The following WDR33 variants were observed in gnomAD, a reference collection of about 807,000 sequenced individuals.
WDR33 encodes pre-mRNA 3' end processing protein WDR33.
WDR33 carries 47 observed loss-of-function variants against 164.9 expected under a neutral mutation model. That is an observed-to-expected ratio of 0.29 (90% CI 0.23 to 0.36). The LOEUF is 0.36. Ranked by LOEUF, WDR33 falls within the 10% of genes least tolerant of loss-of-function variation. The pLI is 1.00. For synonymous variants in WDR33, 505 were observed against 589.0 expected, an observed-to-expected ratio of 0.86 and a Z score of 2.06; for missense variants, 1,137 against 1,754.1, an observed-to-expected ratio of 0.65 and a Z score of 6.28.
At chr2:127,733,991 AATATAACATCCAG>A (rs1482127784) in intron 7 of WDR33, among the ~76,000 whole-genome samples, 1 of 152,150 alleles carries the variant, frequency 6.6e-6, no homozygotes, top group African/African-American at 2.4e-5. Flanking sequence ...CATCTCACTA[AATATAACATCCAG>A]ATGAAGTGGA....
chr2:127,760,579 C>G lies in WDR33; in HGVS notation c.724+2483G>C, dbSNP rs555243456. On this transcript the variant is annotated intron_variant, in intron 7 of 21. Transcript: ENST00000322313. ...CTCACTAAGGGGAGGATGGGAAGCT[C>G]TTAGATGCATAAAATTTGGAAAAGT... 5.3e-5 allele frequency among the ~76,000 whole-genome samples: 8 copies of G among 152,260 alleles called. No homozygotes were observed. In the East Asian group the frequency reaches 1.4e-3, roughly 26 times the overall value.
At chr2:127,762,214 A>T (rs1022582999) in intron 7 of WDR33, among the ~76,000 whole-genome samples, 4 of 152,212 alleles carry the variant, frequency 2.6e-5, no homozygotes, top group Admixed American at 2.6e-4. Context: ...AAGGGTACGG[A>T]GTAGAAGGTA....
At chr2:127,740,697 G>T (rs969750112) in intron 7 of WDR33, among the ~76,000 whole-genome samples, 1 of 152,184 alleles carries the variant, frequency 6.6e-6, no homozygotes, top group Non-Finnish European at 1.5e-5. Flanking sequence ...AAAAATGATG[G>T]AACTTGGGAG....
At chr2:127,762,476 G>A (rs1573926947) in intron 7 of WDR33, 1 of 970,608 alleles carries the variant, frequency 1.0e-6, no homozygotes, top group South Asian at 4.8e-5. Context: ...ATCGAAGTGA[G>A]AATATGGACT....
chr2:127,741,791 G>C lies in WDR33; in HGVS notation c.725-15014C>G, dbSNP rs1036685524. 6.6e-6 allele frequency among the ~76,000 whole-genome samples: 1 copy of C among 152,148 alleles called. No homozygotes were observed. The highest frequency in any genetic ancestry group is 2.4e-5 in the African/African-American group (1 of 41,434). On this transcript the variant is annotated intron_variant, in intron 7 of 21. Transcript: ENST00000322313. The surrounding 1 kb of genome is among the most constrained non-coding windows in gnomAD (Gnocchi z 4.1). ...AAACACCCCAATTACTATGTTAAAG[G>C]TTTTAAGGGGTATATTCCTTAAAAA...
intron 7 of WDR33, among the ~76,000 whole-genome samples, chr2:127,762,117 T>C (rs1008950833): frequency 6.6e-6 from 1 of 152,186 alleles, no homozygotes. Flanking sequence ...TGAATAATAA[T>C]TTGACACCCA....
At chr2:127,739,746 A>C (rs555889071) in intron 7 of WDR33, among the ~76,000 whole-genome samples, 1 of 152,360 alleles carries the variant, frequency 6.6e-6, no homozygotes, top group South Asian at 2.1e-4. Flanking sequence ...GAAAAAGTTC[A>C]CCATGGGGAC....
At chr2:127,807,728 T>C (rs1318769956) in intron 1 of WDR33, among the ~76,000 whole-genome samples, 1 of 152,144 alleles carries the variant, frequency 6.6e-6, no homozygotes, top group African/African-American at 2.4e-5. Context: ...AGGGGAATTT[T>C]TGTAGAAAAT....
At position 127,741,222 on chromosome 2, in the gene WDR33, G is replaced by C. The variant is rs1284568192; in HGVS notation, c.725-14445C>G. On this transcript the variant is annotated intron_variant, in intron 7 of 21. Transcript: ENST00000322313. The surrounding 1 kb of genome is among the most constrained non-coding windows in gnomAD (Gnocchi z 4.1). ...GGGAAGAAACCCTAGAGCAGGATTT[G>C]AGGCTGAAGAGTAAAGCAGCACAAA... Among the ~76,000 whole-genome samples, 2 of 152,236 alleles carry C rather than the reference G, an allele frequency of 1.3e-5. No individual in the cohort carries two copies. The highest frequency in any genetic ancestry group is 4.8e-5 in the African/African-American group (2 of 41,466).
Position 127,716,616 on chromosome 2 carries a change from T to C in WDR33, c.2869+539A>G, listed in dbSNP as rs895021732. On this transcript the variant is annotated intron_variant, in intron 17 of 21. Transcript: ENST00000322313. This position sits in a 1 kb window ranked among gnomAD's most constrained non-coding sequence, Gnocchi z 4.5. Reference sequence around the variant, plus strand: ...TTAGGATTAACTCTAAACTTCCAAATAGCCCCACATCTAAATACTAATCAT... The same window carrying C: ...TTAGGATTAACTCTAAACTTCCAAACAGCCCCACATCTAAATACTAATCAT... Among the ~76,000 whole-genome samples, 6 of 152,330 alleles carry C rather than the reference T, an allele frequency of 3.9e-5. No individual in the cohort carries two copies. The highest frequency in any genetic ancestry group is 3.4e-3 in the Middle Eastern group (1 of 294).
At chr2:127,794,371 G>A (rs1479395175) in intron 1 of WDR33, among the ~76,000 whole-genome samples, 3 of 150,858 alleles carry the variant, frequency 2.0e-5, no homozygotes, top group Admixed American at 2.0e-4. Context: ...GTGGTGGCAG[G>A]TGCCTGTAAT....
intron 7 of WDR33, chr2:127,736,831 T>TA: frequency 2.0e-6 from 2 of 985,438 alleles, no homozygotes; most frequent in Non-Finnish European, 2.4e-6. Flanking sequence ...AGGCTGCTGT[T>TA]AAACTCTTTT....
Position 127,721,757 on chromosome 2 carries a change from C to T in WDR33, c.1671+79G>A. 6.2e-6 allele frequency: 9 copies of T among 1,454,400 alleles called. No individual in the cohort carries two copies. The highest frequency in any genetic ancestry group is 8.3e-6 in the Non-Finnish European group (9 of 1,089,930). The allele number at this position is 1,454,400 out of a possible 1,614,324, so 90.1% of individuals were successfully genotyped here. On this transcript the variant is annotated intron_variant, in intron 15 of 21. Transcript: ENST00000322313. This position sits in a 1 kb window ranked among gnomAD's most constrained non-coding sequence, Gnocchi z 4.9. The stretch of plus-strand genomic sequence containing the variant: ...ACCATGGGAGAGCCCCTTCCCTTTT[C>T]CTTAAGAGCCTATCAATAAAAATGT...
chr2:127,706,560 A>G lies in WDR33; in HGVS notation c.3782-8T>C. ...GTCCTGGGCCCCCTCGGCCTGAAAC[A>G]AAGAAAATTTCACATGGGACTTTTT... On this transcript the variant is annotated splice_polypyrimidine_tract_variant and splice_region_variant and intron_variant, in intron 21 of 21. Transcript: ENST00000322313. The surrounding 1 kb of genome is among the most constrained non-coding windows in gnomAD (Gnocchi z 5.1). 6.3e-7 allele frequency: 1 copy of G among 1,585,080 alleles called. No homozygotes were observed. Among genetic ancestry groups the G allele is most frequent in the South Asian group, 1.2e-5 (1 of 86,378 alleles).
In WDR33 at chr2:127,701,662, G is replaced by A. The variant is rs1685884345; in HGVS notation, c.*4661C>T. On this transcript the variant is annotated 3_prime_UTR_variant, in exon 22 of 22. Coordinates refer to ENST00000322313, the MANE Select transcript of WDR33 (RefSeq NM_018383.5). The stretch of plus-strand genomic sequence containing the variant: ...GACCGGCCGGCGGAGGAGTGGCTGG[G>A]CCGCGCGGGCTTGCGCTGGACGTGG... 5 of 1,292,460 alleles carry A rather than the reference G, an allele frequency of 3.9e-6. No homozygotes were observed. The highest frequency in any genetic ancestry group is 4.9e-6 in the Non-Finnish European group (5 of 1,025,048). The allele number at this position is 1,292,460 out of a possible 1,614,324, so 80.1% of individuals were successfully genotyped here.
At chr2:127,774,670 A>G (rs1055291426) in intron 1 of WDR33, among the ~76,000 whole-genome samples, 2 of 152,114 alleles carry the variant, frequency 1.3e-5, no homozygotes, top group African/African-American at 4.8e-5. Context: ...TCTACTAAAA[A>G]TACAAAAAAA....
chr2:127,798,134 G>A (rs184782153), intron 1 of WDR33, among the ~76,000 whole-genome samples: 2,664 of 151,964 alleles, frequency 0.018, 42 homozygotes, highest in Non-Finnish European at 0.027. Flanking sequence ...CTGGGAGGCC[G>A]AGGCAGGTGG....
intron 1 of WDR33, among the ~76,000 whole-genome samples, chr2:127,792,705 A>G (rs1202344595): frequency 6.6e-6 from 1 of 151,836 alleles, no homozygotes; most frequent in African/African-American, 2.4e-5. Flanking sequence ...ATTATTACAA[A>G]TAAATCATGA....
At position 127,725,219 on chromosome 2, in the gene WDR33, G is replaced by C. The variant is rs1417043907; in HGVS notation, c.852-4C>G. The C allele has an allele frequency of 6.3e-7, 1 of 1,579,850 alleles. No homozygotes were observed. Among genetic ancestry groups the C allele is most frequent in the Non-Finnish European group, 8.5e-7 (1 of 1,170,154 alleles). Reference sequence around the variant, plus strand: ...TACTGTGTTTTTATGGGCATGACTAGAAACAAAGTATCAAAAAAAAATGTC... The same window carrying C: ...TACTGTGTTTTTATGGGCATGACTACAAACAAAGTATCAAAAAAAAATGTC... On this transcript the variant is annotated splice_region_variant and splice_polypyrimidine_tract_variant and intron_variant, in intron 8 of 21. Transcript: ENST00000322313.
Sources: gnomAD v4.1 joint callset for allele counts (sites outside exome capture counted in the v4.1 genomes callset) on GRCh38, gnomAD v4.1.1 for gene constraint, Gnocchi (gnomAD v3.1) non-coding constraint, MANE v1.5 for transcripts, NCBI Gene and HGNC (gene_info 2026-07-23, HGNC 2026-07-21) for gene names.